Variants in LRRC37A observed in about 807,000 individuals in gnomAD.
LRRC37A encodes the protein leucine-rich repeat-containing protein 37A.
A neutral mutation model predicts 35.4 loss-of-function variants in LRRC37A; 3 were observed. That is an observed-to-expected ratio of 0.08 (90% CI 0.04 to 0.22). The LOEUF is 0.22. Ranked by LOEUF, LRRC37A falls within the 10% of genes least tolerant of loss-of-function variation. The pLI, the probability that LRRC37A is intolerant of heterozygous loss-of-function variation, is 1.00. For synonymous variants in LRRC37A, 23 were observed against 215.0 expected (o/e 0.11, Z 7.81); for missense variants, 67 against 565.3 (o/e 0.12, Z 8.94).
At chr17:46,262,655 C>T in the LRRC37A span, among the ~76,000 whole-genome samples, 19,494 of 151,788 alleles carry the variant, frequency 0.13, 1 homozygote, top group Middle Eastern at 0.2. Flanking sequence ...TGAGAATTCC[C>T]GTAACTTGTA....
chr17:46,269,585 T>C, the LRRC37A span, among the ~76,000 whole-genome samples: 23 of 151,906 alleles, frequency 1.5e-4, no homozygotes, highest in Non-Finnish European at 2.8e-4. Context: ...AAATAAATTT[T>C]AAAAAAGTGC....
the LRRC37A span, among the ~76,000 whole-genome samples, chr17:46,276,143 G>A: frequency 2.0e-5 from 3 of 152,282 alleles, no homozygotes; most frequent in African/African-American, 4.8e-5. Context: ...CGCCCGCCTC[G>A]GCCTCCCAAA....
chr17:46,278,379 TTGTTC>T, the LRRC37A span, among the ~76,000 whole-genome samples: 14,322 of 145,312 alleles, frequency 0.099, 24 homozygotes, highest in Non-Finnish European at 0.15. Flanking sequence ...TTGTTTTGTT[TTGTTC>T]TGTTTTGTTT....
At chr17:46,267,481 C>T in the LRRC37A span, 10 of 1,611,804 alleles carry the variant, frequency 6.2e-6, no homozygotes, top group Non-Finnish European at 7.6e-6. Flanking sequence ...TCCTGGACTC[C>T]TCCAGCTGCA....
At chr17:46,270,911 A>C in the LRRC37A span, among the ~76,000 whole-genome samples, 2 of 152,366 alleles carry the variant, frequency 1.3e-5, no homozygotes, top group African/African-American at 4.8e-5. Flanking sequence ...AACAACAACA[A>C]AAAGTATATC....
the LRRC37A span, among the ~76,000 whole-genome samples, chr17:46,263,140 C>G: frequency 0.15 from 22,089 of 151,910 alleles, 2,157 homozygotes; most frequent in Non-Finnish European, 0.22. Context: ...CTGAGTCCCG[C>G]GAGGTCAAGG....
At chr17:46,262,815 A>G in the LRRC37A span, among the ~76,000 whole-genome samples, 24 of 152,124 alleles carry the variant, frequency 1.6e-4, no homozygotes, top group Non-Finnish European at 2.8e-4. Context: ...AAGAAAAGAA[A>G]AAAGAAAGGA....
chr17:46,270,878 C>T, the LRRC37A span, among the ~76,000 whole-genome samples: 2 of 152,334 alleles, frequency 1.3e-5, no homozygotes, highest in Admixed American at 1.3e-4. Context: ...CCAGCCTGGG[C>T]AACAGAGCGA....
upstream of LRRC37A, chr17:46,292,732 C>T (rs2941959): frequency 1.1e-4 from 9 of 78,772 alleles, 2 homozygotes; most frequent in South Asian, 5.9e-4. Flanking sequence ...CTACAGCTTT[C>T]GAAAACTATA....
Position 46,312,093 on chromosome 17 carries a change from TATAA to T in LRRC37A, c.2906+5794_2906+5797del, listed in dbSNP as rs1598128051. On this transcript the variant is annotated intron_variant, in intron 5 of 13. Transcript: ENST00000320254. ...GACTTTTAAAAAGTGGAAACATAAA[TATAA>T]ATAAATAAAAACATTCATATCATTT... 2.0e-4 allele frequency among the ~76,000 whole-genome samples: 9 copies of T among 45,072 alleles called. No individual in the cohort carries two copies. The Admixed American group carries it at 2.5e-3, about 12-fold the overall frequency. 29.6% of individuals were successfully genotyped at this position (45,072 alleles called of 152,430 possible).
rs768779177 is a variant in LRRC37A at position 46,330,944 on chromosome 17, C to A, written c.3667C>A (p.Pro1223Thr). Reference sequence around the variant, plus strand: ...GGAACAGCCCCACACACAGCAGGGGCCTGAGAAGTTAGCGGGAAACGCCGT... The same window carrying A: ...GGAACAGCCCCACACACAGCAGGGGACTGAGAAGTTAGCGGGAAACGCCGT... The change falls in exon 9 of 14, where the codon CCT becomes ACT. Residue 1223 changes from proline (P) to threonine (T), a missense_variant. Transcript: ENST00000320254. 3 of 724,806 alleles carry A rather than the reference C, an allele frequency of 4.1e-6. No individual in the cohort carries two copies. The Admixed American group carries it at 8.7e-5, about 21-fold the overall frequency. The allele number at this position is 724,806 out of a possible 1,614,324, so 44.9% of individuals were successfully genotyped here. A position where few individuals can be genotyped will look rare whatever the true frequency, so the allele number is the denominator to read the frequency against.
chr17:46,255,491 G>A, the LRRC37A span, among the ~76,000 whole-genome samples: 4 of 146,042 alleles, frequency 2.7e-5, no homozygotes, highest in East Asian at 4.5e-4. Context: ...TCAGCCTACC[G>A]AGTTAGCTGG....
the LRRC37A span, among the ~76,000 whole-genome samples, chr17:46,287,004 G>A: frequency 2.0e-5 from 3 of 152,186 alleles, no homozygotes; most frequent in Non-Finnish European, 4.4e-5. Context: ...TGTAATTGTC[G>A]TTTTGAGCTG....
chr17:46,272,604 G>A, the LRRC37A span, among the ~76,000 whole-genome samples: 1 of 152,048 alleles, frequency 6.6e-6, no homozygotes, highest in African/African-American at 2.4e-5. Flanking sequence ...TAGTAGAGAT[G>A]GGGTTTCACC....
the LRRC37A span, among the ~76,000 whole-genome samples, chr17:46,276,314 T>G: frequency 6.6e-6 from 1 of 152,264 alleles, no homozygotes; most frequent in African/African-American, 2.4e-5. Context: ...TCCAATAGTT[T>G]ACAATTTTTA....
the LRRC37A span, among the ~76,000 whole-genome samples, chr17:46,253,636 G>T: frequency 6.6e-6 from 1 of 152,018 alleles, no homozygotes; most frequent in South Asian, 2.1e-4. Flanking sequence ...GCAATCGCAG[G>T]CACTTGGTAG....
At position 46,324,867 on chromosome 17, in the gene LRRC37A, C is replaced by T. The variant is rs1394170946; in HGVS notation, c.3053+1840C>T. ...ATATATATATATTTATATATATGTA[C>T]GTGTATATATGTATATGTATGCCTG... On this transcript the variant is annotated intron_variant, in intron 7 of 13. Transcript: ENST00000320254. Among the ~76,000 whole-genome samples, 5 of 75,014 alleles carry T rather than the reference C, an allele frequency of 6.7e-5. 2 individuals carry two copies. Among genetic ancestry groups the T allele is most frequent in the Admixed American group, 2.9e-4 (2 of 6,984 alleles). 49.2% of individuals were successfully genotyped at this position (75,014 alleles called of 152,430 possible).
upstream of LRRC37A, among the ~76,000 whole-genome samples, chr17:46,289,905 C>T (rs142410300): frequency 0.12 from 17,548 of 147,854 alleles, 1 homozygote; most frequent in Middle Eastern, 0.19. Context: ...AGATCACTTG[C>T]GTCCAGGAGC....
At chr17:46,280,972 G>C in the LRRC37A span, among the ~76,000 whole-genome samples, 1 of 152,276 alleles carries the variant, frequency 6.6e-6, no homozygotes, top group East Asian at 1.9e-4. Context: ...TTGACTGTTT[G>C]GCTGCACATA....
Sources: allele counts gnomAD v4.1 joint callset (sites outside exome capture counted in the v4.1 genomes callset), GRCh38; gene constraint gnomAD v4.1.1; transcripts MANE v1.5; gene names NCBI Gene and HGNC (gene_info 2026-07-23, HGNC 2026-07-21).